FKBP11: variants seen among roughly 807,000 people sequenced by gnomAD.
FKBP11 encodes the protein peptidyl-prolyl cis-trans isomerase FKBP11.
Under a neutral mutation model 24.7 loss-of-function variants are expected in FKBP11, and 21 were observed. The ratio of observed to expected loss-of-function variants is 0.85; its 90% CI spans 0.60 to 1.23. The LOEUF is 1.23. FKBP11 is among the 50% of genes most tolerant of loss of function. The pLI is 0.00. For synonymous variants in FKBP11, 106 were observed against 100.6 expected (o/e 1.05, Z -0.32); for missense variants, 245 against 248.7 (o/e 0.99, Z 0.10).
At chr12:48,924,475 G>T (rs1043303911) in intron 3 of FKBP11, 86 bp downstream of exon 3, 1 of 1,328,406 alleles carries the variant, frequency 7.5e-7, no homozygotes, top group Non-Finnish European at 1.1e-6. Context: ...ATTTCAGGGG[G>T]GATTTCCAGG....
the FKBP11 span, among the ~76,000 whole-genome samples, chr12:48,932,585 G>A: frequency 6.6e-6 from 1 of 152,018 alleles, no homozygotes; most frequent in Non-Finnish European, 1.5e-5. Context: ...ATTTGGCAAA[G>A]ACAAGAACAG....
chr12:48,938,731 G>C, the FKBP11 span: 1 of 614,098 alleles, frequency 1.6e-6, no homozygotes, highest in Non-Finnish European at 2.8e-6. Flanking sequence ...CAGTAAATTG[G>C]AATGACTCAT....
Position 48,924,242 on chromosome 12 carries a change from G to T in FKBP11, c.298C>A (p.Leu100Ile), listed in dbSNP as rs746923206. 6.2e-7 allele frequency: 1 copy of T among 1,614,206 alleles called. No individual in the cohort carries two copies. The highest frequency in any genetic ancestry group is 1.1e-5 in the South Asian group (1 of 91,086). Residue 100 changes from leucine to isoleucine, a missense_variant, in exon 4 of 6, where the codon CTT (leucine) becomes ATT (isoleucine). By Grantham distance (5) the Leu-to-Ile change is conservative. Transcript: ENST00000550765. The part of the protein sequence containing the change: ...KQVIPGLEQS[L>I]LDMCVGEKRR... ...ACTCACCCCACACACATGTCGAGAA[G>T]ACTCTGCTCCAGACCTTGAAGAAGA...
chr12:48,927,968 G>C (rs553665238), upstream of FKBP11, among the ~76,000 whole-genome samples: 1 of 151,516 alleles, frequency 6.6e-6, no homozygotes, highest in South Asian at 2.1e-4. Flanking sequence ...GTAGTGAGAA[G>C]GGGGAAAGAG....
chr12:48,932,245 ATATATATATATATATATTTTTTTTTTTT>A, the FKBP11 span, among the ~76,000 whole-genome samples: 229 of 39,602 alleles, frequency 5.8e-3, 2 homozygotes, highest in South Asian at 0.024. Flanking sequence ...ATATATATAT[ATATATATATATATATATTTTTTTTTTTT>A]TTTTTTTTTT....
At chr12:48,924,721 G>A in intron 2 of FKBP11, 73 bp from the exon 3 acceptor site, 1 of 1,584,574 alleles carries the variant, frequency 6.3e-7, no homozygotes, top group Non-Finnish European at 8.6e-7. Flanking sequence ...CACACACCTG[G>A]ACCGCTGGGC....
At position 48,922,178 on chromosome 12, in the gene FKBP11, C is replaced by T. The variant is rs368324438; in HGVS notation, c.412G>A (p.Val138Met). 2.1e-5 allele frequency: 34 copies of T among 1,613,822 alleles called. No individual in the cohort carries two copies. The highest frequency in any genetic ancestry group is 2.7e-5 in the Non-Finnish European group (32 of 1,179,912). ...GCTCGGATTAGTGCAATCAGCTCCA[C>T]GTCATACTGCACCACTGCATCCGCT... ...VPADAVVQYD[V>M]ELIALIRANY... The change falls in exon 6 of 6, where the codon GTG (valine) becomes ATG (methionine). Residue 138 changes from valine to methionine, a missense_variant. Transcript: ENST00000550765.
rs1391635532 is a variant in FKBP11, at chr12:48,921,992, T to A, written c.598A>T (p.Lys200Ter). The A allele has an allele frequency of 1.3e-6, 2 of 1,591,584 alleles. No individual in the cohort carries two copies. Among genetic ancestry groups the A allele is most frequent in the Non-Finnish European group, 1.7e-6 (2 of 1,172,160 alleles). The change falls in exon 6 of 6, where the codon AAG becomes TAG. Residue 200 changes from lysine (K) to a stop codon, truncating the protein, a stop_gained. Transcript: ENST00000550765. LOFTEE classifies it high-confidence loss of function. ...TTAAAATTTATTATTTATTATTTCT[T>A]TTTGCTCTTGTTTCGTTTCTCTTCC... is the stretch of plus-strand genomic sequence containing the variant. ...LKEEKRNKSK[K>*]K
chr12:48,929,226 T>C (rs1940018953), upstream of FKBP11, among the ~76,000 whole-genome samples: 1 of 151,786 alleles, frequency 6.6e-6, no homozygotes, highest in African/African-American at 2.4e-5. Flanking sequence ...GGCAGGAGGA[T>C]TGCTTGAGGC....
rs752626228 is a variant in FKBP11 at position 48,922,219 on chromosome 12, T to A, written c.389-18A>T. ...TGCATCCGCTGGAGAGGCAGAGGGGTGGAGAGGGTTAGACTCTCTGCATTT... is the reference window on the plus strand; with the variant it reads ...TGCATCCGCTGGAGAGGCAGAGGGGAGGAGAGGGTTAGACTCTCTGCATTT... On this transcript the variant is annotated intron_variant, in intron 5 of 5. Coordinates refer to ENST00000550765, the MANE Select transcript of FKBP11 (RefSeq NM_016594.3). The A allele has an allele frequency of 6.2e-7, 1 of 1,604,328 alleles. No homozygotes were observed. Among genetic ancestry groups the A allele is most frequent in the Non-Finnish European group, 8.5e-7 (1 of 1,172,724 alleles).
Position 48,924,939 on chromosome 12 carries a change from G to A in FKBP11, c.195+107C>T, listed in dbSNP as rs1169335580. ...ACGTGCTCGACGACCCCAGAGCCCC[G>A]AGTTTCTTCTCCCGAACCGCTTGCC... On this transcript the variant is annotated intron_variant, in intron 2 of 5. Transcript: ENST00000550765. 7.6e-6 allele frequency: 11 copies of A among 1,452,448 alleles called. No individual in the cohort carries two copies. In the South Asian group the frequency reaches 1.5e-4, roughly 20 times the overall value. The allele number at this position is 1,452,448 out of a possible 1,614,324, so 90.0% of individuals were successfully genotyped here.
chr12:48,922,244 T>G, intron 5 of FKBP11, 43 bp from the exon 6 acceptor site: 1 of 1,545,834 alleles, frequency 6.5e-7, no homozygotes, highest in African/African-American at 1.4e-5. Context: ...TCTCTGCATT[T>G]TATCCAGGGC....
At chr12:48,924,903 C>G (rs932082177) in intron 2 of FKBP11, 143 bp downstream of exon 2, 25 of 1,441,044 alleles carry the variant, frequency 1.7e-5, no homozygotes, top group Non-Finnish European at 2.2e-5. Flanking sequence ...AGCAACGTCT[C>G]TCCCCTCGCC....
chr12:48,922,815 C>T lies in FKBP11; in HGVS notation c.389-614G>A, dbSNP rs571501663. On this transcript the variant is annotated intron_variant, in intron 5 of 5. Coordinates refer to ENST00000550765, the MANE Select transcript of FKBP11 (RefSeq NM_016594.3). ...AAAGTTTCTCCTTGGTCCCCCTACCCTCCTTCCAGGCCTTCCTCTAAGCTG... is the reference window on the plus strand; with the variant it reads ...AAAGTTTCTCCTTGGTCCCCCTACCTTCCTTCCAGGCCTTCCTCTAAGCTG... 2.8e-5 allele frequency: 28 copies of T among 1,011,756 alleles called. No homozygotes were observed. The African/African-American group carries it at 4.7e-4, about 17-fold the overall frequency. 62.7% of individuals were successfully genotyped at this position (1,011,756 alleles called of 1,614,324 possible). A position where few individuals can be genotyped will look rare whatever the true frequency, so the allele number is the denominator to read the frequency against.
chr12:48,937,167 A>G, the FKBP11 span: 3 of 152,254 alleles, frequency 2.0e-5, no homozygotes, highest in African/African-American at 4.8e-5. Flanking sequence ...TCACAGTTCA[A>G]TCTTGGATGG....
upstream of FKBP11, chr12:48,926,390 A>T (rs1479183728): frequency 2.0e-5 from 3 of 149,076 alleles, no homozygotes; most frequent in African/African-American, 7.4e-5. Flanking sequence ...ACGCCCGGCT[A>T]ATTTTTGTAT....
chr12:48,928,998 A>ATTT (rs71080161), upstream of FKBP11, among the ~76,000 whole-genome samples: 35 of 138,280 alleles, frequency 2.5e-4, no homozygotes, highest in South Asian at 2.0e-3. Flanking sequence ...AACTTTTTGT[A>ATTT]TTTTTTTTTT....
At chr12:48,932,802 C>T in the FKBP11 span, among the ~76,000 whole-genome samples, 8 of 152,058 alleles carry the variant, frequency 5.3e-5, no homozygotes, top group African/African-American at 1.7e-4. Context: ...AGGTGCCAGG[C>T]GGACAAGCCC....
intron 5 of FKBP11, chr12:48,922,830 C>G: frequency 3.9e-6 from 4 of 1,018,724 alleles, no homozygotes; most frequent in Non-Finnish European, 4.7e-6. Flanking sequence ...TCCAGGCCTT[C>G]CTCTAAGCTG....
Sources: gnomAD v4.1 joint callset for allele counts (sites outside exome capture counted in the v4.1 genomes callset) on GRCh38, gnomAD v4.1.1 for gene constraint, MANE v1.5 for transcripts, NCBI Gene and HGNC (gene_info 2026-07-23, HGNC 2026-07-21) for gene names.